CHURC1: variants seen among roughly 807,000 people sequenced by gnomAD.
The protein encoded by CHURC1 is churchill domain containing 1.
A neutral mutation model predicts 15.4 loss-of-function variants in CHURC1; 12 were observed. That is an observed-to-expected ratio of 0.78 (90% CI 0.50 to 1.27). The LOEUF is 1.27. Ranked by LOEUF, CHURC1 falls within the 50% of genes most tolerant of loss-of-function variation. The pLI is 0.00. For synonymous variants in CHURC1, 42 were observed against 47.5 expected (o/e 0.88, Z 0.48); for missense variants, 132 against 137.8 (o/e 0.96, Z 0.21).
chr14:64,932,606 G>T lies in CHURC1; in HGVS notation c.*376G>T, dbSNP rs967528582. 7.4e-5 allele frequency: 22 copies of T among 297,080 alleles called. No homozygotes were observed. Among genetic ancestry groups the T allele is most frequent in the Non-Finnish European group, 1.1e-4 (22 of 201,270 alleles). The allele number at this position is 297,080 out of a possible 1,614,324, so 18.4% of individuals were successfully genotyped here. On this transcript the variant is annotated 3_prime_UTR_variant, in exon 4 of 4. Coordinates refer to ENST00000549115, the MANE Select transcript of CHURC1 (RefSeq NM_001386928.1). Reference sequence around the variant, plus strand: ...ATGAACTGTACAAGATGAGCCTAGAGTATCTTGTGCCACAGAAAAATGAAG... The same window carrying T: ...ATGAACTGTACAAGATGAGCCTAGATTATCTTGTGCCACAGAAAAATGAAG...
intron 1 of CHURC1, among the ~76,000 whole-genome samples, chr14:64,922,526 C>G (rs958059863): frequency 6.9e-6 from 1 of 144,602 alleles, no homozygotes; most frequent in Non-Finnish European, 1.5e-5. Context: ...TGCAGTGAGC[C>G]GAGAGTGTGC....
chr14:64,926,521 A>C (rs1441592307), intron 3 of CHURC1, among the ~76,000 whole-genome samples: 1 of 152,196 alleles, frequency 6.6e-6, no homozygotes, highest in Non-Finnish European at 1.5e-5. Flanking sequence ...TTATGAGATT[A>C]CCATTGTGCT....
chr14:64,918,916 C>T (rs992963956), intron 1 of CHURC1, among the ~76,000 whole-genome samples: 1 of 152,108 alleles, frequency 6.6e-6, no homozygotes, highest in Admixed American at 6.5e-5. Flanking sequence ...TATTTATCTT[C>T]GATTACATAA....
chr14:64,915,293 C>T (rs1238969035), intron 1 of CHURC1, among the ~76,000 whole-genome samples: 1 of 152,224 alleles, frequency 6.6e-6, no homozygotes, highest in African/African-American at 2.4e-5. Context: ...CCACCACGTC[C>T]AGCTGGATTA....
At chr14:64,922,776 A>T (rs1884405129) in intron 1 of CHURC1, among the ~76,000 whole-genome samples, 1 of 152,006 alleles carries the variant, frequency 6.6e-6, no homozygotes, top group African/African-American at 2.4e-5. Context: ...GAGATTCCTC[A>T]ATATATAGAA....
chr14:64,931,608 AT>A (rs1478441128), intron 3 of CHURC1, among the ~76,000 whole-genome samples: 1 of 152,188 alleles, frequency 6.6e-6, no homozygotes, highest in Non-Finnish European at 1.5e-5. Flanking sequence ...CAATCTGGGC[AT>A]TTATTAAGCC....
intron 1 of CHURC1, among the ~76,000 whole-genome samples, chr14:64,920,173 T>G (rs1025820398): frequency 6.6e-6 from 1 of 152,202 alleles, no homozygotes; most frequent in African/African-American, 2.4e-5. Context: ...TCGTAAGATT[T>G]TATAACATAC....
intron 1 of CHURC1, among the ~76,000 whole-genome samples, chr14:64,915,183 T>A (rs1594885741): frequency 6.6e-6 from 1 of 152,216 alleles, no homozygotes; most frequent in Admixed American, 6.5e-5. Flanking sequence ...CTCCTCTCTT[T>A]GAGACAGGGT....
Position 64,934,974 on chromosome 14 carries a change from TAAC to T in CHURC1, c.*2745_*2747del. The T allele has an allele frequency of 1.0e-6, 1 of 984,418 alleles. No homozygotes were observed. The highest frequency in any genetic ancestry group is 1.2e-6 in the Non-Finnish European group (1 of 829,012). 61.0% of individuals were successfully genotyped at this position (984,418 alleles called of 1,614,324 possible). A position where few individuals can be genotyped will look rare whatever the true frequency, so the allele number is the denominator to read the frequency against. On this transcript the variant is annotated 3_prime_UTR_variant, in exon 4 of 4. Transcript: ENST00000549115. ...TTTCTAGATTCTTATGTGGATCTAA[TAAC>T]GACCACTTGAACCCAGTTTCACAGA...
rs774988526 is a variant in CHURC1, at chr14:64,914,535, G to C, written c.39+1G>C. The C allele has an allele frequency of 3.5e-5, 56 of 1,614,122 alleles. No homozygotes were observed. Among genetic ancestry groups the C allele is most frequent in the Non-Finnish European group, 4.7e-5 (55 of 1,180,024 alleles). ...TGTGGAGAAGGAATATCCCAACCGG[G>C]TGAGCGACTGGGCGCTCCCTTGGCC... On this transcript the variant is annotated splice_donor_variant, in intron 1 of 3. Coordinates refer to ENST00000549115, the MANE Select transcript of CHURC1 (RefSeq NM_001386928.1). LOFTEE classifies it high-confidence loss of function.
At chr14:64,930,547 G>C (rs1055005257) in intron 3 of CHURC1, among the ~76,000 whole-genome samples, 2 of 152,282 alleles carry the variant, frequency 1.3e-5, no homozygotes, top group Admixed American at 6.5e-5. Context: ...AAGATTACAG[G>C]TGTAATCAGT....
chr14:64,924,353 G>T, intron 2 of CHURC1: 1 of 378,264 alleles, frequency 2.6e-6, no homozygotes, highest in East Asian at 5.2e-5. Context: ...TTCAGGAACT[G>T]AATTTTTTTT....
At chr14:64,926,177 G>T in intron 3 of CHURC1, 97 bp downstream of exon 3, 1 of 725,060 alleles carries the variant, frequency 1.4e-6, no homozygotes, top group Non-Finnish European at 2.1e-6. Context: ...TAAGTGAAGT[G>T]CAAAGCGTTA....
At chr14:64,918,300 T>C (rs991372281) in intron 1 of CHURC1, among the ~76,000 whole-genome samples, 3 of 152,222 alleles carry the variant, frequency 2.0e-5, no homozygotes, top group African/African-American at 7.2e-5. Context: ...TTACGGGTCT[T>C]AGACTTTGAA....
chr14:64,919,765 T>A (rs1884140839), intron 1 of CHURC1, among the ~76,000 whole-genome samples: 1 of 151,860 alleles, frequency 6.6e-6, no homozygotes, highest in Admixed American at 6.6e-5. Context: ...GTGCCTGTAG[T>A]CCCACCTACT....
chr14:64,924,105 G>T lies in CHURC1; in HGVS notation c.154G>T (p.Glu52Ter). 3 of 1,608,826 alleles carry T rather than the reference G, an allele frequency of 1.9e-6. No homozygotes were observed. Among genetic ancestry groups the T allele is most frequent in the Non-Finnish European group, 2.5e-6 (3 of 1,177,220 alleles). ...TNKSLKEEDG[E>*]EIVTYDHLCK... ...CAAATCCTTGAAAGAAGAAGATGGA[G>T]AAGAAATAGTTACCTATGATCGTAA... Residue 52 changes from glutamate (E) to a stop codon, truncating the protein, a stop_gained, in exon 2 of 4, where the codon GAA becomes TAA. Transcript: ENST00000549115. LOFTEE classifies it high-confidence loss of function.
chr14:64,920,724 A>C (rs1247594167), intron 1 of CHURC1, among the ~76,000 whole-genome samples: 2 of 152,230 alleles, frequency 1.3e-5, no homozygotes, highest in Admixed American at 1.3e-4. Context: ...GATGCAGTCC[A>C]GTTCAGAGTT....
At chr14:64,924,364 G>T (rs1884536673) in intron 2 of CHURC1, 1 of 324,496 alleles carries the variant, frequency 3.1e-6, no homozygotes, top group Non-Finnish European at 5.3e-6. Flanking sequence ...AATTTTTTTT[G>T]TTTATCAAAT....
Position 64,934,491 on chromosome 14 carries a change from TAAG to T in CHURC1, c.*2264_*2266del. ...GGATCTGGCAAGGTTAGGAAGAGGT[TAAG>T]AATATCAGTGACAGTACTCTGAGGC... On this transcript the variant is annotated 3_prime_UTR_variant, in exon 4 of 4. Transcript: ENST00000549115. The T allele has an allele frequency of 7.1e-6, 7 of 985,442 alleles. No homozygotes were observed. The highest frequency in any genetic ancestry group is 8.4e-6 in the Non-Finnish European group (7 of 829,914). The allele number at this position is 985,442 out of a possible 1,614,324, so 61.0% of individuals were successfully genotyped here. A position where few individuals can be genotyped will look rare whatever the true frequency, so the allele number is the denominator to read the frequency against.
Sources: gnomAD v4.1 joint callset for allele counts (sites outside exome capture counted in the v4.1 genomes callset) on GRCh38, gnomAD v4.1.1 for gene constraint, MANE v1.5 for transcripts, NCBI Gene and HGNC (gene_info 2026-07-23, HGNC 2026-07-21) for gene names.